Variants in SH3RF3 observed in about 807,000 individuals in gnomAD.
SH3RF3 encodes E3 ubiquitin-protein ligase SH3RF3.
In SH3RF3, 29 loss-of-function variants were observed where a neutral mutation model predicts 66.3. That is an observed-to-expected ratio of 0.44 (90% CI 0.33 to 0.60). The LOEUF (loss-of-function observed/expected upper bound fraction) is 0.60, where lower values mean the gene tolerates loss of function less well. Among genes scored for constraint, SH3RF3 ranks in the 20% least tolerant of loss-of-function variants. The probability of loss-of-function intolerance (pLI) is 0.04; values close to 1 mark genes in which losing one functional copy is unlikely to be tolerated. For missense variants in SH3RF3, 1,194 were observed against 1,190.9 expected (o/e 1.00, Z -0.04); for synonymous variants, 583 against 532.0 (o/e 1.10, Z -1.32).
At position 109,441,763 on chromosome 2, in the gene SH3RF3, C is replaced by A. The variant is rs181132745; in HGVS notation, c.1828+4617C>A. 2.4e-3 allele frequency among the ~76,000 whole-genome samples: 364 copies of A among 152,042 alleles called. 1 individual carries two copies. The highest frequency in any genetic ancestry group is 8.2e-3 in the African/African-American group (340 of 41,476). On this transcript the variant is annotated intron_variant, in intron 7 of 9. Transcript: ENST00000309415. ...CAAGGCAAATCACAATCAAACTGTTCAAAATCTCTCATAAAGAAAACACTG... is the reference window on the plus strand; with the variant it reads ...CAAGGCAAATCACAATCAAACTGTTAAAAATCTCTCATAAAGAAAACACTG...
intron 8 of SH3RF3, among the ~76,000 whole-genome samples, chr2:109,451,828 A>G (rs186276785): frequency 6.6e-6 from 1 of 152,356 alleles, no homozygotes; most frequent in African/African-American, 2.4e-5. Context: ...ATAGCTCCCG[A>G]GCCTCTGTGG....
At chr2:109,418,562 C>G (rs760643776) in intron 4 of SH3RF3, among the ~76,000 whole-genome samples, 1 of 152,176 alleles carries the variant, frequency 6.6e-6, no homozygotes, top group Non-Finnish European at 1.5e-5. Flanking sequence ...CCCTCCACAT[C>G]CCGGTCCTCC....
intron 1 of SH3RF3, among the ~76,000 whole-genome samples, chr2:109,134,654 G>A (rs767492220): frequency 3.3e-5 from 5 of 152,128 alleles, no homozygotes; most frequent in African/African-American, 7.2e-5. Context: ...CTTGCTGAGC[G>A]GCACACAGTT....
At chr2:109,302,528 C>T (rs1681495230) in intron 1 of SH3RF3, among the ~76,000 whole-genome samples, 3 of 152,364 alleles carry the variant, frequency 2.0e-5, no homozygotes, top group African/African-American at 7.2e-5. Flanking sequence ...CTCCACAGCC[C>T]TCTAGGAGCT....
At chr2:109,322,882 C>T (rs560372542) in intron 1 of SH3RF3, among the ~76,000 whole-genome samples, 2 of 152,188 alleles carry the variant, frequency 1.3e-5, no homozygotes, top group East Asian at 1.9e-4. Context: ...CATGCACAAA[C>T]CTTGTAATGT....
intron 1 of SH3RF3, among the ~76,000 whole-genome samples, chr2:109,178,968 T>A (rs1677998003): frequency 6.6e-6 from 1 of 151,838 alleles, no homozygotes; most frequent in Non-Finnish European, 1.5e-5. Flanking sequence ...GTGAAGGTTT[T>A]GGGGGAAATA....
intron 1 of SH3RF3, among the ~76,000 whole-genome samples, chr2:109,330,478 G>A (rs1409119881): frequency 2.6e-5 from 4 of 151,808 alleles, no homozygotes; most frequent in Non-Finnish European, 4.4e-5. Context: ...TCTTCCTTAC[G>A]AACTTTGTAA....
At chr2:109,146,486 GT>G (rs76876336) in intron 1 of SH3RF3, among the ~76,000 whole-genome samples, 11,217 of 152,132 alleles carry the variant, frequency 0.074, 1,304 homozygotes, top group African/African-American at 0.25. Flanking sequence ...CATGGGTCCT[GT>G]GAATGTTCAA....
At chr2:109,260,969 T>C (rs57390398) in intron 1 of SH3RF3, among the ~76,000 whole-genome samples, 5,067 of 152,176 alleles carry the variant, frequency 0.033, 232 homozygotes, top group African/African-American at 0.11. Flanking sequence ...TGAGGTGTTC[T>C]CAGCCCCATG....
At chr2:109,341,924 GA>G (rs1362834533) in intron 1 of SH3RF3, among the ~76,000 whole-genome samples, 1 of 152,206 alleles carries the variant, frequency 6.6e-6, no homozygotes, top group Non-Finnish European at 1.5e-5. Context: ...TATTCTGACA[GA>G]CAAAAGAAGC....
At chr2:109,393,827 C>G (rs1676067697) in intron 3 of SH3RF3, among the ~76,000 whole-genome samples, 1 of 152,022 alleles carries the variant, frequency 6.6e-6, no homozygotes. Context: ...CTCTTCTTTT[C>G]ATGTTACAGC....
intron 8 of SH3RF3, among the ~76,000 whole-genome samples, chr2:109,484,463 C>T (rs1304036084): frequency 6.6e-6 from 1 of 152,120 alleles, no homozygotes; most frequent in Non-Finnish European, 1.5e-5. Context: ...CTGTTCCACA[C>T]CTCTGACCAC....
chr2:109,135,673 G>GGT (rs977872970), intron 1 of SH3RF3, among the ~76,000 whole-genome samples: 2 of 151,868 alleles, frequency 1.3e-5, no homozygotes, highest in African/African-American at 4.8e-5. Context: ...TGCATGGGGG[G>GGT]GTGTGTGTGT....
At chr2:109,262,731 CACTT>C (rs1680385570) in intron 1 of SH3RF3, among the ~76,000 whole-genome samples, 1 of 152,210 alleles carries the variant, frequency 6.6e-6, no homozygotes, top group African/African-American at 2.4e-5. Flanking sequence ...GCTTTGTTCT[CACTT>C]ACCTCCTTGG....
At chr2:109,377,065 TG>T (rs1387468419) in intron 3 of SH3RF3, among the ~76,000 whole-genome samples, 1 of 152,198 alleles carries the variant, frequency 6.6e-6, no homozygotes, top group African/African-American at 2.4e-5. Flanking sequence ...GGATTTGGCT[TG>T]GGCTGAAAAA....
At chr2:109,500,960 G>T (rs553139834) in intron 9 of SH3RF3, among the ~76,000 whole-genome samples, 1 of 152,236 alleles carries the variant, frequency 6.6e-6, no homozygotes, top group African/African-American at 2.4e-5. Context: ...AAAAAAATAA[G>T]GACAATTTAC....
intron 2 of SH3RF3, among the ~76,000 whole-genome samples, chr2:109,349,138 C>A (rs761876354): frequency 1.0e-4 from 15 of 145,220 alleles, no homozygotes; most frequent in Non-Finnish European, 1.9e-4. Context: ...GGCCATTGCT[C>A]TCTCCCCCAT....
At chr2:109,463,542 G>C (rs1678262233) in intron 8 of SH3RF3, among the ~76,000 whole-genome samples, 1 of 152,156 alleles carries the variant, frequency 6.6e-6, no homozygotes, top group African/African-American at 2.4e-5. Flanking sequence ...CGTGTCCTCT[G>C]GACCCTCCTG....
intron 1 of SH3RF3, among the ~76,000 whole-genome samples, chr2:109,317,769 G>A (rs1366784220): frequency 6.6e-6 from 1 of 152,194 alleles, no homozygotes; most frequent in Non-Finnish European, 1.5e-5. Flanking sequence ...GCTCGTGAGT[G>A]CCTTTGTAGT....
Sources: gnomAD v4.1 joint callset for allele counts (sites outside exome capture counted in the v4.1 genomes callset) on GRCh38, gnomAD v4.1.1 for gene constraint, MANE v1.5 for transcripts, NCBI Gene and HGNC (gene_info 2026-07-23, HGNC 2026-07-21) for gene names.